The following DNM3 variants were observed in gnomAD, a reference collection of about 807,000 sequenced individuals.
The protein encoded by DNM3 is dynamin-3.
A neutral mutation model predicts 101.6 loss-of-function variants in DNM3; 47 were observed. The ratio of observed to expected loss-of-function variants is 0.46; its 90% CI spans 0.37 to 0.59. The LOEUF is 0.59. Among genes scored for constraint, DNM3 ranks in the 20% least tolerant of loss-of-function variants. DNM3 has a pLI of 0.00. For missense variants in DNM3, 849 were observed against 1,085.7 expected, an observed-to-expected ratio of 0.78 and a Z score of 3.06; for synonymous variants, 385 against 387.9, an observed-to-expected ratio of 0.99 and a Z score of 0.09.
At chr1:171,843,873 G>T in intron 1 of DNM3, among the ~76,000 whole-genome samples, 1 of 152,252 alleles carries the variant, frequency 6.6e-6, no homozygotes, top group East Asian at 1.9e-4. Context: ...ATCAGAGCAC[G>T]TACCAGAATG....
chr1:172,015,200 G>GT (rs2047372621), intron 4 of DNM3, among the ~76,000 whole-genome samples: 1 of 152,148 alleles, frequency 6.6e-6, no homozygotes, highest in African/African-American at 2.4e-5. Flanking sequence ...AAAGTCAGAG[G>GT]TGTCAGTCCT....
At chr1:172,173,121 G>A (rs968235553) in intron 14 of DNM3, among the ~76,000 whole-genome samples, 6 of 151,732 alleles carry the variant, frequency 4.0e-5, no homozygotes, top group African/African-American at 1.2e-4. Context: ...AGGAAAACTT[G>A]GAGAAAGGGA....
At chr1:172,366,037 C>T in intron 17 of DNM3, among the ~76,000 whole-genome samples, 1 of 151,790 alleles carries the variant, frequency 6.6e-6, no homozygotes, top group Non-Finnish European at 1.5e-5. Context: ...TGAGACCAGC[C>T]TGGGCAACAT....
rs576502517 is a variant in DNM3 at position 172,100,180 on chromosome 1, G to A, written c.1545+7305G>A. 2.6e-4 allele frequency among the ~76,000 whole-genome samples: 40 copies of A among 152,268 alleles called. 1 individual carries two copies. The South Asian group carries it at 7.9e-3, about 30-fold the overall frequency. Reference sequence around the variant, plus strand: ...CCCACTATTGTTCTAACTTTAGACTGGAATATGAAATTTGGCTTCTCAAAC... The same window carrying A: ...CCCACTATTGTTCTAACTTTAGACTAGAATATGAAATTTGGCTTCTCAAAC... On this transcript the variant is annotated intron_variant, in intron 13 of 20. Transcript: ENST00000627582.
At chr1:171,856,538 T>G (rs2033631029) in intron 1 of DNM3, among the ~76,000 whole-genome samples, 1 of 152,218 alleles carries the variant, frequency 6.6e-6, no homozygotes, top group Non-Finnish European at 1.5e-5. Context: ...TTGTGTCATC[T>G]CTGATTTCTT....
chr1:172,122,282 T>A (rs993427530), intron 13 of DNM3, among the ~76,000 whole-genome samples: 5 of 152,194 alleles, frequency 3.3e-5, no homozygotes, highest in African/African-American at 1.2e-4. Context: ...CAAATATAAC[T>A]GAAATAATAG....
chr1:172,196,527 G>A (rs144698196), intron 14 of DNM3, among the ~76,000 whole-genome samples: 46 of 152,150 alleles, frequency 3.0e-4, no homozygotes, highest in African/African-American at 1.1e-3. Context: ...CCCACCAACA[G>A]TGTATAAGCA....
intron 13 of DNM3, among the ~76,000 whole-genome samples, chr1:172,114,016 C>A (rs2055705980): frequency 6.6e-6 from 1 of 152,126 alleles, no homozygotes; most frequent in African/African-American, 2.4e-5. Flanking sequence ...TAAGTTCTCA[C>A]TCTCTCATGA....
rs184568195 is a variant in DNM3 at position 172,336,735 on chromosome 1, T to C, written c.1893+13395T>C. On this transcript the variant is annotated intron_variant, in intron 17 of 20. Coordinates refer to ENST00000627582, the MANE Select transcript of DNM3 (RefSeq NM_015569.5). ...AAAAAAAGTCCCTCCTCTCAGATAG[T>C]CTTCTTTAACTGCAACTGCACACCT... Among the ~76,000 whole-genome samples the C allele has an allele frequency of 4.1e-3, 620 of 150,488 alleles. 3 individuals are homozygous for C. Among genetic ancestry groups the C allele is most frequent in the Middle Eastern group, 0.021 (6 of 288 alleles).
intron 1 of DNM3, among the ~76,000 whole-genome samples, chr1:171,847,896 CTGTGTGTGTGTG>C (rs752990905): frequency 1.1e-4 from 16 of 141,238 alleles, no homozygotes; most frequent in African/African-American, 1.9e-4. Flanking sequence ...CTCTCTCTCT[CTGTGTGTGTGTG>C]TGTGTGTGTG....
At chr1:172,274,673 A>T (rs1004462395) in intron 15 of DNM3, among the ~76,000 whole-genome samples, 2 of 151,788 alleles carry the variant, frequency 1.3e-5, no homozygotes, top group Admixed American at 1.3e-4. Flanking sequence ...GAGAAATTTA[A>T]AACCGAGAAT....
At chr1:172,366,086 T>C (rs2068001962) in intron 17 of DNM3, among the ~76,000 whole-genome samples, 1 of 151,814 alleles carries the variant, frequency 6.6e-6, no homozygotes, top group South Asian at 2.1e-4. Context: ...TTTAATTAAT[T>C]AGCTGGGCAT....
At chr1:172,254,928 A>T (rs1331828590) in intron 15 of DNM3, among the ~76,000 whole-genome samples, 1 of 152,140 alleles carries the variant, frequency 6.6e-6, no homozygotes, top group African/African-American at 2.4e-5. Flanking sequence ...AGGTAACAGA[A>T]TCTAATTTTA....
intron 1 of DNM3, among the ~76,000 whole-genome samples, chr1:171,847,215 G>T (rs1215095706): frequency 6.6e-6 from 1 of 152,120 alleles, no homozygotes; most frequent in Non-Finnish European, 1.5e-5. Flanking sequence ...GTAAAATGAA[G>T]GTAGTCAGAT....
At chr1:172,096,603 C>A (rs1436270959) in intron 13 of DNM3, among the ~76,000 whole-genome samples, 1 of 152,178 alleles carries the variant, frequency 6.6e-6, no homozygotes. Flanking sequence ...TGGTGCTGCT[C>A]TTCACAGAGA....
At chr1:172,112,278 A>G (rs1392436967) in intron 13 of DNM3, among the ~76,000 whole-genome samples, 1 of 152,166 alleles carries the variant, frequency 6.6e-6, no homozygotes, top group East Asian at 1.9e-4. Flanking sequence ...TTCATGACTG[A>G]GGTAACTGGG....
downstream of DNM3, among the ~76,000 whole-genome samples, chr1:172,416,119 G>C (rs927734329): frequency 1.3e-5 from 2 of 152,062 alleles, no homozygotes; most frequent in African/African-American, 2.4e-5. Flanking sequence ...GTCTTGATTA[G>C]GTAAATTTGC....
chr1:172,325,228 T>A (rs2065892343), intron 17 of DNM3, among the ~76,000 whole-genome samples: 1 of 152,182 alleles, frequency 6.6e-6, no homozygotes, highest in Admixed American at 6.5e-5. Flanking sequence ...CCTAGGATGA[T>A]GCAGAAGGCT....
chr1:172,242,417 G>A (rs961253640), intron 14 of DNM3, among the ~76,000 whole-genome samples: 5 of 152,068 alleles, frequency 3.3e-5, no homozygotes, highest in African/African-American at 1.2e-4. Context: ...AGTAGAAAAG[G>A]TAGTCCTGTG....
Sources: gnomAD v4.1 joint callset for allele counts (sites outside exome capture counted in the v4.1 genomes callset) on GRCh38, gnomAD v4.1.1 for gene constraint, MANE v1.5 for transcripts, NCBI Gene and HGNC (gene_info 2026-07-23, HGNC 2026-07-21) for gene names.